Variants in KLF7 observed in about 807,000 individuals in gnomAD.
KLF7 encodes KLF transcription factor 7.
A neutral mutation model predicts 27.3 loss-of-function variants in KLF7; 2 were observed. The observed-to-expected ratio is 0.07, with a 90% CI of 0.03 to 0.23. KLF7 has a LOEUF of 0.23. KLF7 is among the 10% of genes least tolerant of loss of function. KLF7 has a pLI of 1.00. For missense variants in KLF7, 221 were observed against 394.1 expected, an observed-to-expected ratio of 0.56 and a Z score of 3.72; for synonymous variants, 165 against 162.4, an observed-to-expected ratio of 1.02 and a Z score of -0.12.
chr2:207,144,165 GGA>G (rs1216448347), intron 1 of KLF7, among the ~76,000 whole-genome samples: 4,123 of 50,824 alleles, frequency 0.081, 233 homozygotes, highest in African/African-American at 0.23. Context: ...ACAGCGGGGG[GGA>G]GAAAAAAAAA....
chr2:207,138,087 C>T (rs1206990200), intron 1 of KLF7, among the ~76,000 whole-genome samples: 1 of 152,160 alleles, frequency 6.6e-6, no homozygotes, highest in Non-Finnish European at 1.5e-5. Context: ...TTCAGGCACA[C>T]CAGACTCTCA....
At chr2:207,100,825 G>A (rs1429494547) in intron 2 of KLF7, among the ~76,000 whole-genome samples, 3 of 152,248 alleles carry the variant, frequency 2.0e-5, no homozygotes, top group Admixed American at 1.3e-4. Context: ...AATGAAAAGT[G>A]CTTTTAAAAC....
intron 2 of KLF7, among the ~76,000 whole-genome samples, chr2:207,110,716 G>A (rs2077013961): frequency 6.6e-6 from 1 of 152,152 alleles, no homozygotes; most frequent in Admixed American, 6.5e-5. Context: ...TACCATAAGG[G>A]GAAAAGCGGC....
intron 2 of KLF7, among the ~76,000 whole-genome samples, chr2:207,089,428 G>C (rs2076460801): frequency 6.6e-6 from 1 of 152,210 alleles, no homozygotes; most frequent in Non-Finnish European, 1.5e-5. Flanking sequence ...ATATGTAAGA[G>C]CAAGTACATG....
At chr2:207,133,952 A>G in intron 1 of KLF7, 1 of 687,026 alleles carries the variant, frequency 1.5e-6, no homozygotes, top group Non-Finnish European at 2.3e-6. Context: ...AGGTCTGACA[A>G]GGCATTATTA....
At chr2:207,152,289 A>G (rs200608811) in intron 1 of KLF7, among the ~76,000 whole-genome samples, 2 of 10,214 alleles carry the variant, frequency 2.0e-4, no homozygotes, top group Non-Finnish European at 0.014. Flanking sequence ...ACACACACAC[A>G]CACACACACA....
At position 207,076,712 on chromosome 2, in the gene KLF7, A is replaced by C. The variant is rs1424643229; in HGVS notation, c.*4501T>G. On this transcript the variant is annotated 3_prime_UTR_variant, in exon 4 of 4. Transcript: ENST00000309446. ...TAGGCCATCAAAGAGACATTGATGT[A>C]TACTCAGGATAGGCCCTCTAGTTTT... The C allele has an allele frequency of 6.6e-6, 1 of 152,222 alleles. No individual in the cohort carries two copies. Among genetic ancestry groups the C allele is most frequent in the African/African-American group, 2.4e-5 (1 of 41,454 alleles). 9.4% of individuals were successfully genotyped at this position (152,222 alleles called of 1,614,324 possible).
intron 1 of KLF7, 102 bp from the exon 2 acceptor site, chr2:207,124,506 G>T (rs763865): frequency 0.65 from 750,137 of 1,157,366 alleles, 244,427 homozygotes; most frequent in Admixed American, 0.74. Flanking sequence ...AGAGAATGGT[G>T]TCATGGCTTG....
chr2:207,088,332 G>C (rs2076437381), intron 3 of KLF7, 126 bp downstream of exon 3: 1 of 1,114,666 alleles, frequency 9.0e-7, no homozygotes, highest in Admixed American at 2.3e-5. Flanking sequence ...ATGGAGAAAA[G>C]GCATTCCCAG....
intron 2 of KLF7, among the ~76,000 whole-genome samples, chr2:207,118,169 G>T (rs2077239020): frequency 6.6e-6 from 1 of 152,130 alleles, no homozygotes; most frequent in African/African-American, 2.4e-5. Flanking sequence ...CTCCCATGTT[G>T]TGATAATACT....
intron 2 of KLF7, among the ~76,000 whole-genome samples, chr2:207,097,610 T>C (rs2076664109): frequency 6.6e-6 from 1 of 152,208 alleles, no homozygotes; most frequent in Non-Finnish European, 1.5e-5. Context: ...TTTTAACAAC[T>C]GTTAACTTTT....
chr2:207,152,438 T>C (rs1245302719), intron 1 of KLF7, among the ~76,000 whole-genome samples: 1 of 152,200 alleles, frequency 6.6e-6, no homozygotes, highest in Non-Finnish European at 1.5e-5. Context: ...TGTCTCATTT[T>C]ACTCCCACTT....
At chr2:207,136,985 T>C (rs879083469) in intron 1 of KLF7, among the ~76,000 whole-genome samples, 1 of 152,204 alleles carries the variant, frequency 6.6e-6, no homozygotes. Context: ...TTGTGGGTGC[T>C]TGTGGCTGCC....
chr2:207,160,237 C>A (rs184749307), intron 1 of KLF7, among the ~76,000 whole-genome samples: 189 of 152,256 alleles, frequency 1.2e-3, no homozygotes, highest in Non-Finnish European at 2.2e-3. Context: ...CCCCTACCCC[C>A]AATCGTTTAT....
chr2:207,149,238 C>A (rs1006807826), intron 1 of KLF7: 2 of 1,010,090 alleles, frequency 2.0e-6, no homozygotes. Context: ...AAAAGCAACA[C>A]CCCCACTCAG....
chr2:207,076,963 T>C lies in KLF7; in HGVS notation c.*4250A>G, dbSNP rs2076186337. 6.6e-6 allele frequency: 1 copy of C among 152,184 alleles called. No homozygotes were observed. The highest frequency in any genetic ancestry group is 1.5e-5 in the Non-Finnish European group (1 of 68,040). The allele number at this position is 152,184 out of a possible 1,614,324, so 9.4% of individuals were successfully genotyped here. Reference sequence around the variant, plus strand: ...CAGAAATGCTGGCCCTCTTAAGATTTCAAAAAAATTCTAATAAACTAAAAA... The same window carrying C: ...CAGAAATGCTGGCCCTCTTAAGATTCCAAAAAAATTCTAATAAACTAAAAA... On this transcript the variant is annotated 3_prime_UTR_variant, in exon 4 of 4. Transcript: ENST00000309446.
At chr2:207,090,687 CT>C (rs2076491171) in intron 2 of KLF7, among the ~76,000 whole-genome samples, 1 of 152,108 alleles carries the variant, frequency 6.6e-6, no homozygotes, top group Non-Finnish European at 1.5e-5. Flanking sequence ...AACAGAGAGT[CT>C]TTTAAGTATT....
Position 207,080,824 on chromosome 2 carries a change from C to T in KLF7, c.*389G>A. On this transcript the variant is annotated 3_prime_UTR_variant, in exon 4 of 4. Transcript: ENST00000309446. Reference sequence around the variant, plus strand: ...AAGCAAGTGAAATAAGCCCCTCGGACTGCCGTCCACCTGCACAGACGTCAC... The same window carrying T: ...AAGCAAGTGAAATAAGCCCCTCGGATTGCCGTCCACCTGCACAGACGTCAC... The T allele has an allele frequency of 2.5e-6, 1 of 404,216 alleles. No individual in the cohort carries two copies. The allele number at this position is 404,216 out of a possible 1,614,324, so 25.0% of individuals were successfully genotyped here. A position where few individuals can be genotyped will look rare whatever the true frequency, so the allele number is the denominator to read the frequency against.
At chr2:207,130,796 C>T (rs1008697492) in intron 1 of KLF7, among the ~76,000 whole-genome samples, 2 of 152,192 alleles carry the variant, frequency 1.3e-5, no homozygotes, top group Non-Finnish European at 2.9e-5. Flanking sequence ...AACTATGCCA[C>T]TTTGGGTAAT....
Sources: allele counts gnomAD v4.1 joint callset (sites outside exome capture counted in the v4.1 genomes callset), GRCh38; gene constraint gnomAD v4.1.1; transcripts MANE v1.5; gene names NCBI Gene and HGNC (gene_info 2026-07-23, HGNC 2026-07-21).